Variants in HTRA1 observed in about 807,000 individuals in gnomAD.
HTRA1 encodes the protein serine protease HTRA1.
A neutral mutation model predicts 49.7 loss-of-function variants in HTRA1; 26 were observed. That is an observed-to-expected ratio of 0.52 (90% CI 0.38 to 0.73). The LOEUF (loss-of-function observed/expected upper bound fraction) is 0.73. Ranked by LOEUF, HTRA1 falls within the 30% of genes least tolerant of loss-of-function variation. HTRA1 has a pLI of 0.00. For missense variants in HTRA1, 561 were observed against 667.2 expected (o/e 0.84, Z 1.75); for synonymous variants, 291 against 286.9 (o/e 1.01, Z -0.14).
intron 1 of HTRA1, among the ~76,000 whole-genome samples, chr10:122,470,860 A>G (rs967505512): frequency 6.6e-6 from 1 of 152,128 alleles, no homozygotes; most frequent in Admixed American, 6.5e-5. Context: ...CTGGGTGTCA[A>G]AGCATGGGTC....
chr10:122,471,072 C>T (rs887810928), intron 1 of HTRA1, among the ~76,000 whole-genome samples: 8 of 152,174 alleles, frequency 5.3e-5, no homozygotes, highest in African/African-American at 1.2e-4. Flanking sequence ...GGAGAGCACA[C>T]GCTCCTCCTG....
At chr10:122,508,616 G>T (rs778317467) in intron 5 of HTRA1, 40 bp from the exon 6 acceptor site, 4 of 1,295,248 alleles carry the variant, frequency 3.1e-6, no homozygotes, top group Non-Finnish European at 3.4e-6. Flanking sequence ...TGCCGGTAAA[G>T]CTTCACGATT....
intron 7 of HTRA1, among the ~76,000 whole-genome samples, chr10:122,510,680 A>C (rs2097505191): frequency 1.3e-5 from 2 of 152,198 alleles, no homozygotes; most frequent in East Asian, 3.9e-4. Context: ...TGGCAGGCTC[A>C]TGGCATCCTG....
At chr10:122,509,239 T>C (rs74713549) in intron 6 of HTRA1, among the ~76,000 whole-genome samples, 2,659 of 152,272 alleles carry the variant, frequency 0.017, 73 homozygotes, top group East Asian at 0.14. Flanking sequence ...GGTGTGACTT[T>C]TATGTTCTGT....
intron 5 of HTRA1, among the ~76,000 whole-genome samples, chr10:122,507,667 CAG>C (rs2097503745): frequency 1.3e-5 from 2 of 152,148 alleles, no homozygotes; most frequent in South Asian, 4.1e-4. Flanking sequence ...ACTTGTGTCT[CAG>C]AGTTACAGGT....
At position 122,506,947 on chromosome 10, in the gene HTRA1, C is replaced by G. The variant is rs1035610366; in HGVS notation, c.972+62C>G. 1 of 1,420,178 alleles carries G rather than the reference C, an allele frequency of 7.0e-7. No individual in the cohort carries two copies. Among genetic ancestry groups the G allele is most frequent in the Admixed American group, 1.7e-5 (1 of 58,016 alleles). 88.0% of individuals were successfully genotyped at this position (1,420,178 alleles called of 1,614,324 possible). Reference sequence around the variant, plus strand: ...AGAGTTTTGCCAGGGGGAGAGGAGTCAGCATAGGTCTTAGCCCCTGACTTT... The same window carrying G: ...AGAGTTTTGCCAGGGGGAGAGGAGTGAGCATAGGTCTTAGCCCCTGACTTT... On this transcript the variant is annotated intron_variant, in intron 4 of 8. Transcript: ENST00000368984. The surrounding 1 kb of genome is among the most constrained non-coding windows in gnomAD (Gnocchi z 5.2).
chr10:122,483,677 T>G (rs940817307), intron 1 of HTRA1, among the ~76,000 whole-genome samples: 1 of 152,242 alleles, frequency 6.6e-6, no homozygotes. Context: ...GAGAAATTGA[T>G]AGCTTAACAA....
chr10:122,481,930 G>A (rs529979672), intron 1 of HTRA1, among the ~76,000 whole-genome samples: 2 of 152,108 alleles, frequency 1.3e-5, no homozygotes, highest in Non-Finnish European at 2.9e-5. Context: ...CCCCAGCCAC[G>A]TGGAACTGGA....
chr10:122,514,434 T>A lies in HTRA1; in HGVS notation c.*75T>A. 4.1e-6 allele frequency: 6 copies of A among 1,451,078 alleles called. No individual in the cohort carries two copies. Among genetic ancestry groups the A allele is most frequent in the Non-Finnish European group, 5.8e-6 (6 of 1,033,300 alleles). The allele number at this position is 1,451,078 out of a possible 1,614,324, so 89.9% of individuals were successfully genotyped here. On this transcript the variant is annotated 3_prime_UTR_variant, in exon 9 of 9. Transcript: ENST00000368984. ...ATGACGGATGAGGACTCTGGGCTGCTGGAATAGGACACTCAAGACTTTTGA... is the reference window on the plus strand; with the variant it reads ...ATGACGGATGAGGACTCTGGGCTGCAGGAATAGGACACTCAAGACTTTTGA...
chr10:122,461,716 G>A lies in HTRA1; in HGVS notation c.64G>A (p.Ala22Thr). 1 of 1,290,378 alleles carries A rather than the reference G, an allele frequency of 7.7e-7. No homozygotes were observed. 79.9% of individuals were successfully genotyped at this position (1,290,378 alleles called of 1,614,324 possible). ...LLLLLAAPAS[A>T]QLSRAGRSAP... ...GCTGCTGCTGGCGGCGCCCGCCTCGGCGCAGCTGTCCCGGGCCGGCCGCTC... is the reference window on the plus strand; with the variant it reads ...GCTGCTGCTGGCGGCGCCCGCCTCGACGCAGCTGTCCCGGGCCGGCCGCTC... The change falls in exon 1 of 9, where the codon GCG becomes ACG. Residue 22 changes from alanine to threonine, a missense_variant. By Grantham distance (58) the Ala-to-Thr change is moderately conservative. Coordinates refer to ENST00000368984, the MANE Select transcript of HTRA1 (RefSeq NM_002775.5).
rs539528724 is a variant in HTRA1 at position 122,465,399 on chromosome 10, C to T, written c.472+3275C>T. ...GTGCATACTAATTCATTTGATCCTCCGGACAGTCCTATGAGTGAGTGCTGT... is the reference window on the plus strand; with the variant it reads ...GTGCATACTAATTCATTTGATCCTCTGGACAGTCCTATGAGTGAGTGCTGT... On this transcript the variant is annotated intron_variant, in intron 1 of 8. Transcript: ENST00000368984. Among the ~76,000 whole-genome samples the T allele has an allele frequency of 5.3e-5, 8 of 152,278 alleles. No homozygotes were observed. The South Asian group carries it at 1.2e-3, about 24-fold the overall frequency.
intron 1 of HTRA1, among the ~76,000 whole-genome samples, chr10:122,482,917 C>CAAAAAAAAAAAAAAAAAAAAA (rs59042439): frequency 1.3e-5 from 1 of 75,024 alleles, no homozygotes; most frequent in Non-Finnish European, 2.4e-5. Flanking sequence ...GACTCTGTCT[C>CAAAAAAAAAAAAAAAAAAAAA]AAAAAAAAAA....
intron 3 of HTRA1, among the ~76,000 whole-genome samples, chr10:122,493,295 C>T (rs750321245): frequency 6.6e-6 from 1 of 152,198 alleles, no homozygotes; most frequent in Admixed American, 6.5e-5. Context: ...TTGGGACCCA[C>T]GACTGGGGCC....
At chr10:122,505,017 A>G (rs576837380) in intron 3 of HTRA1, among the ~76,000 whole-genome samples, 2 of 152,316 alleles carry the variant, frequency 1.3e-5, no homozygotes, top group South Asian at 4.1e-4. Flanking sequence ...TTGGATTTGC[A>G]CAGGCCCAGA....
In HTRA1 at chr10:122,487,997, G is replaced by C. The variant is rs910347149; in HGVS notation, c.473-905G>C. Among the ~76,000 whole-genome samples the C allele has an allele frequency of 6.6e-6, 1 of 152,094 alleles. No homozygotes were observed. Among genetic ancestry groups the C allele is most frequent in the Non-Finnish European group, 1.5e-5 (1 of 68,028 alleles). ...TTATGCCTTTTGTCTGGGATGTCCC[G>C]GGCAGGGTTGGAACGTGTGGTTAAG... On this transcript the variant is annotated intron_variant, in intron 1 of 8. Transcript: ENST00000368984. This position sits in a 1 kb window ranked among gnomAD's most constrained non-coding sequence, Gnocchi z 4.8.
chr10:122,462,733 T>A lies in HTRA1; in HGVS notation c.472+609T>A, dbSNP rs552532950. 3.3e-5 allele frequency among the ~76,000 whole-genome samples: 5 copies of A among 152,364 alleles called. No homozygotes were observed. In the East Asian group the frequency reaches 7.7e-4, roughly 23 times the overall value. ...CTCTCGTTTCGGCGGCGTTGCTGCCTGTCTTGCTTTCCTCGTTTTGAGCCA... is the reference window on the plus strand; with the variant it reads ...CTCTCGTTTCGGCGGCGTTGCTGCCAGTCTTGCTTTCCTCGTTTTGAGCCA... On this transcript the variant is annotated intron_variant, in intron 1 of 8. Coordinates refer to ENST00000368984, the MANE Select transcript of HTRA1 (RefSeq NM_002775.5).
At chr10:122,481,098 A>G (rs991677095) in intron 1 of HTRA1, among the ~76,000 whole-genome samples, 4 of 152,070 alleles carry the variant, frequency 2.6e-5, no homozygotes, top group Non-Finnish European at 5.9e-5. Flanking sequence ...ATTTATTATT[A>G]CTTTTATTGT....
At chr10:122,479,551 G>A (rs992562536) in intron 1 of HTRA1, among the ~76,000 whole-genome samples, 3 of 152,220 alleles carry the variant, frequency 2.0e-5, no homozygotes, top group African/African-American at 7.2e-5. Context: ...TATTCTTATT[G>A]ATAATATTAT....
intron 1 of HTRA1, among the ~76,000 whole-genome samples, chr10:122,478,422 T>G (rs1420828231): frequency 8.2e-6 from 1 of 122,304 alleles, no homozygotes; most frequent in Non-Finnish European, 1.6e-5. Flanking sequence ...AGACGGACTC[T>G]CACTCTGTTG....
Sources: gnomAD v4.1 joint callset for allele counts (sites outside exome capture counted in the v4.1 genomes callset) on GRCh38, gnomAD v4.1.1 for gene constraint, Gnocchi (gnomAD v3.1) non-coding constraint, MANE v1.5 for transcripts, NCBI Gene and HGNC (gene_info 2026-07-23, HGNC 2026-07-21) for gene names.